Variants in COX7B2 observed in about 807,000 individuals in gnomAD.
The protein encoded by COX7B2 is cytochrome c oxidase subunit 7B2.
For synonymous variants in COX7B2, 37 were observed against 32.1 expected, an observed-to-expected ratio of 1.15 and a Z score of -0.51; for missense variants, 109 against 95.9, an observed-to-expected ratio of 1.14 and a Z score of -0.57.
chr4:46,853,728 T>C (rs1716844877), intron 1 of COX7B2, among the ~76,000 whole-genome samples: 1 of 152,078 alleles, frequency 6.6e-6, no homozygotes, highest in South Asian at 2.1e-4. Context: ...GTTTATTAAG[T>C]GAATATATAA....
intron 1 of COX7B2, among the ~76,000 whole-genome samples, chr4:46,872,316 T>G (rs748159707): frequency 1.3e-5 from 2 of 152,124 alleles, no homozygotes; most frequent in Non-Finnish European, 2.9e-5. Flanking sequence ...CACTGGTGCC[T>G]ACTTGAGGGT....
At chr4:46,907,789 TC>T (rs1292630406) in intron 1 of COX7B2, among the ~76,000 whole-genome samples, 1 of 148,536 alleles carries the variant, frequency 6.7e-6, no homozygotes, top group African/African-American at 2.5e-5. Flanking sequence ...ACACCAAACT[TC>T]CATCTCTTGT....
At chr4:46,798,192 C>T (rs1369251537) in intron 2 of COX7B2, among the ~76,000 whole-genome samples, 1 of 152,084 alleles carries the variant, frequency 6.6e-6, no homozygotes, top group Non-Finnish European at 1.5e-5. Context: ...TTCTAGGAGT[C>T]TAGTGGTATG....
At chr4:46,824,168 G>C (rs1046793740) in intron 2 of COX7B2, among the ~76,000 whole-genome samples, 1 of 152,090 alleles carries the variant, frequency 6.6e-6, no homozygotes, top group African/African-American at 2.4e-5. Flanking sequence ...AATGGAATTA[G>C]TAATAAATAG....
chr4:46,874,082 T>C (rs1718171698), intron 1 of COX7B2, among the ~76,000 whole-genome samples: 1 of 152,212 alleles, frequency 6.6e-6, no homozygotes, highest in Non-Finnish European at 1.5e-5. Flanking sequence ...TATAATTCTC[T>C]TTGTATCTTG....
At chr4:46,759,610 G>C (rs983653987) in intron 2 of COX7B2, among the ~76,000 whole-genome samples, 5 of 151,852 alleles carry the variant, frequency 3.3e-5, no homozygotes, top group African/African-American at 1.2e-4. Context: ...CATCATCGCT[G>C]GTCATCAGAG....
At chr4:46,829,861 C>G (rs958269218) in intron 2 of COX7B2, among the ~76,000 whole-genome samples, 1 of 152,088 alleles carries the variant, frequency 6.6e-6, no homozygotes, top group Non-Finnish European at 1.5e-5. Context: ...AGATTTTGAA[C>G]TTTATTACAT....
intron 1 of COX7B2, among the ~76,000 whole-genome samples, chr4:46,852,145 T>C (rs193255836): frequency 3.2e-4 from 49 of 152,200 alleles, no homozygotes; most frequent in African/African-American, 1.2e-3. Context: ...GGGTTGTCTC[T>C]TTTCCCTCAT....
intron 2 of COX7B2, among the ~76,000 whole-genome samples, chr4:46,801,465 A>G (rs1485358533): frequency 6.6e-6 from 1 of 152,158 alleles, no homozygotes; most frequent in Non-Finnish European, 1.5e-5. Context: ...TATCCTAGCA[A>G]TTAACACAGG....
chr4:46,763,192 T>C (rs896433105), intron 2 of COX7B2, among the ~76,000 whole-genome samples: 4 of 137,206 alleles, frequency 2.9e-5, no homozygotes, highest in Non-Finnish European at 4.6e-5. Context: ...TGTAAATATA[T>C]AATATATGAT....
intron 2 of COX7B2, among the ~76,000 whole-genome samples, chr4:46,819,609 G>C (rs1714130979): frequency 1.3e-5 from 2 of 152,024 alleles, no homozygotes; most frequent in South Asian, 4.1e-4. Flanking sequence ...ATGAATTTGT[G>C]GTGGGCCACA....
intron 2 of COX7B2, among the ~76,000 whole-genome samples, chr4:46,826,236 A>C (rs923325925): frequency 1.3e-5 from 2 of 152,220 alleles, no homozygotes; most frequent in Non-Finnish European, 2.9e-5. Flanking sequence ...TTTTTAAAGA[A>C]GACATATATG....
At chr4:46,857,612 C>A (rs1369167859) in intron 1 of COX7B2, among the ~76,000 whole-genome samples, 1 of 152,132 alleles carries the variant, frequency 6.6e-6, no homozygotes, top group African/African-American at 2.4e-5. Context: ...AATACTGCTG[C>A]TTACAAAATA....
chr4:46,788,156 T>G (rs762613213), intron 2 of COX7B2, among the ~76,000 whole-genome samples: 1 of 152,172 alleles, frequency 6.6e-6, no homozygotes, highest in South Asian at 2.1e-4. Context: ...AAACAAAGTA[T>G]GAGATAAGAA....
chr4:46,844,945 A>G lies in COX7B2; in HGVS notation c.-50+15T>C, dbSNP rs920299510. ...AATGTAGGTAGTGTGGGTCTTTTCC[A>G]TATTTTCTCGTTACCTGTTAGAAAT... On this transcript the variant is annotated intron_variant, in intron 2 of 2. Coordinates refer to ENST00000355591, the MANE Select transcript of COX7B2 (RefSeq NM_130902.3). The G allele has an allele frequency of 2.0e-5, 3 of 151,968 alleles. No homozygotes were observed. Among genetic ancestry groups the G allele is most frequent in the Admixed American group, 6.6e-5 (1 of 15,230 alleles). 9.4% of individuals were successfully genotyped at this position (151,968 alleles called of 1,614,324 possible). A position where few individuals can be genotyped will look rare whatever the true frequency, so the allele number is the denominator to read the frequency against.
chr4:46,775,485 T>C (rs989689257), intron 2 of COX7B2, among the ~76,000 whole-genome samples: 4 of 152,162 alleles, frequency 2.6e-5, no homozygotes, highest in Non-Finnish European at 5.9e-5. Flanking sequence ...CTACTTCCAT[T>C]AGCAAAATCT....
intron 1 of COX7B2, among the ~76,000 whole-genome samples, chr4:46,900,560 A>G (rs1211407599): frequency 3.3e-5 from 5 of 152,174 alleles, no homozygotes; most frequent in Admixed American, 3.3e-4. Context: ...CCTCAAATTC[A>G]GAATAAAATT....
At chr4:46,822,484 C>G (rs1429014587) in intron 2 of COX7B2, among the ~76,000 whole-genome samples, 1 of 152,072 alleles carries the variant, frequency 6.6e-6, no homozygotes, top group African/African-American at 2.4e-5. Flanking sequence ...CTCACATGAC[C>G]TGGATGAATG....
At chr4:46,880,847 G>A (rs1388211986) in intron 1 of COX7B2, among the ~76,000 whole-genome samples, 3 of 121,918 alleles carry the variant, frequency 2.5e-5, no homozygotes, top group African/African-American at 9.2e-5. Context: ...CTGTGGTGGG[G>A]TTGGGGGAGG....
Sources: gnomAD v4.1 joint callset for allele counts (sites outside exome capture counted in the v4.1 genomes callset) on GRCh38, gnomAD v4.1.1 for gene constraint, MANE v1.5 for transcripts, NCBI Gene and HGNC (gene_info 2026-07-23, HGNC 2026-07-21) for gene names.